Variants in GRID2 observed in about 807,000 individuals in gnomAD.
GRID2 encodes the protein glutamate ionotropic receptor delta type subunit 2, also known as glutamate receptor ionotropic, delta-2.
In GRID2, 33 loss-of-function variants were observed where a neutral mutation model predicts 114.8. The observed-to-expected ratio is 0.29, with a 90% CI of 0.22 to 0.38. The LOEUF is 0.38. Among genes scored for constraint, GRID2 ranks in the 10% least tolerant of loss-of-function variants. The pLI is 1.00. For missense variants in GRID2, 1,184 were observed against 1,257.7 expected (o/e 0.94, Z 0.89); for synonymous variants, 505 against 449.9 (o/e 1.12, Z -1.55).
chr4:92,772,337 C>T (rs1027471999), intron 2 of GRID2, among the ~76,000 whole-genome samples: 8 of 152,136 alleles, frequency 5.3e-5, no homozygotes, highest in African/African-American at 7.2e-5. Context: ...TGTTCTTTTT[C>T]ATTTACATAC....
intron 2 of GRID2, among the ~76,000 whole-genome samples, chr4:92,733,938 A>G (rs1736457650): frequency 6.6e-6 from 1 of 152,046 alleles, no homozygotes; most frequent in Non-Finnish European, 1.5e-5. Flanking sequence ...AGGGGGATCA[A>G]AATTTCTCCA....
chr4:92,552,043 A>C (rs144326744), intron 1 of GRID2, among the ~76,000 whole-genome samples: 105 of 152,228 alleles, frequency 6.9e-4, no homozygotes, highest in African/African-American at 2.4e-3. Context: ...AGTTTTGATC[A>C]GGTTGATTTT....
At chr4:92,767,253 C>G (rs953261172) in intron 2 of GRID2, among the ~76,000 whole-genome samples, 1 of 152,124 alleles carries the variant, frequency 6.6e-6, no homozygotes, top group African/African-American at 2.4e-5. Flanking sequence ...ATCTGGGTCC[C>G]TGATGATTGC....
At chr4:93,691,524 C>G (rs1726563385) in intron 14 of GRID2, among the ~76,000 whole-genome samples, 1 of 151,988 alleles carries the variant, frequency 6.6e-6, no homozygotes, top group African/African-American at 2.4e-5. Context: ...TGTTTATTAG[C>G]TTTGTGACCT....
chr4:93,244,271 T>G (rs887845202), intron 8 of GRID2, among the ~76,000 whole-genome samples: 2 of 151,872 alleles, frequency 1.3e-5, no homozygotes, highest in Non-Finnish European at 2.9e-5. Context: ...CAATCTTAAT[T>G]GCATAGTAAT....
intron 11 of GRID2, among the ~76,000 whole-genome samples, 172 bp downstream of exon 11, chr4:93,456,146 A>G (rs868738727): frequency 8.5e-5 from 13 of 152,200 alleles, no homozygotes; most frequent in South Asian, 4.1e-4. Context: ...GATCTCAGAC[A>G]CACCAAGTTT....
At chr4:92,462,795 A>G (rs1721560522) in intron 1 of GRID2, among the ~76,000 whole-genome samples, 1 of 151,982 alleles carries the variant, frequency 6.6e-6, no homozygotes, top group African/African-American at 2.4e-5. Context: ...CAAGAAAACC[A>G]ATGAGACTTG....
At chr4:92,635,124 C>G (rs138254087) in intron 2 of GRID2, among the ~76,000 whole-genome samples, 2 of 151,912 alleles carry the variant, frequency 1.3e-5, no homozygotes, top group African/African-American at 2.4e-5. Context: ...GCTTGGTATC[C>G]GAGCCAAAGT....
intron 2 of GRID2, among the ~76,000 whole-genome samples, chr4:92,641,433 C>T (rs1031587321): frequency 7.0e-6 from 1 of 143,808 alleles, no homozygotes; most frequent in Admixed American, 7.2e-5. Flanking sequence ...TGCCACCGAG[C>T]CTGGCCAATA....
intron 13 of GRID2, among the ~76,000 whole-genome samples, chr4:93,602,220 T>A (rs1739750146): frequency 6.6e-6 from 1 of 152,226 alleles, no homozygotes; most frequent in African/African-American, 2.4e-5. Flanking sequence ...TATTAAGCAA[T>A]AATCAAATGC....
intron 2 of GRID2, among the ~76,000 whole-genome samples, chr4:92,671,398 C>A (rs569521156): frequency 1.3e-5 from 2 of 152,076 alleles, no homozygotes; most frequent in East Asian, 1.9e-4. Context: ...TAGCCAATAC[C>A]CACTCTAGAT....
At chr4:93,466,806 T>C (rs1288890621) in intron 11 of GRID2, among the ~76,000 whole-genome samples, 3 of 152,194 alleles carry the variant, frequency 2.0e-5, no homozygotes, top group Non-Finnish European at 4.4e-5. Flanking sequence ...TTTTAAAACA[T>C]GTTAATAACT....
chr4:93,568,707 A>G (rs753108619), intron 13 of GRID2, among the ~76,000 whole-genome samples: 1 of 152,206 alleles, frequency 6.6e-6, no homozygotes, highest in South Asian at 2.1e-4. Flanking sequence ...GCAACAAACC[A>G]TCAGGGAGTG....
chr4:93,592,054 C>T (rs1437956285), intron 13 of GRID2, among the ~76,000 whole-genome samples: 1 of 152,124 alleles, frequency 6.6e-6, no homozygotes, highest in Non-Finnish European at 1.5e-5. Context: ...GTCTCTATTT[C>T]CTTCAGTTCT....
intron 2 of GRID2, among the ~76,000 whole-genome samples, chr4:92,998,225 T>C (rs1040453466): frequency 1.3e-5 from 2 of 152,104 alleles, no homozygotes; most frequent in Non-Finnish European, 2.9e-5. Context: ...ATACATTACA[T>C]TGAAATCATT....
intron 8 of GRID2, among the ~76,000 whole-genome samples, chr4:93,388,344 T>C (rs1460960240): frequency 1.3e-5 from 2 of 152,200 alleles, no homozygotes; most frequent in African/African-American, 4.8e-5. Context: ...CTTTACACAA[T>C]ACTGATGCCT....
intron 14 of GRID2, among the ~76,000 whole-genome samples, chr4:93,714,228 T>C (rs986028027): frequency 6.6e-6 from 1 of 152,154 alleles, no homozygotes; most frequent in East Asian, 1.9e-4. Flanking sequence ...CTGAGGATAA[T>C]GTCCCCCAGG....
chr4:92,671,557 A>G (rs1733072600), intron 2 of GRID2, among the ~76,000 whole-genome samples: 1 of 152,052 alleles, frequency 6.6e-6, no homozygotes, highest in Admixed American at 6.6e-5. Context: ...CAAGTTCCAA[A>G]CAGACAGTTT....
chr4:92,874,455 T>C (rs1340899782), intron 2 of GRID2, among the ~76,000 whole-genome samples: 3 of 152,222 alleles, frequency 2.0e-5, no homozygotes, highest in Non-Finnish European at 4.4e-5. Context: ...ATAAATGTCA[T>C]ACCTCCATCT....
Sources: allele counts gnomAD v4.1 joint callset (sites outside exome capture counted in the v4.1 genomes callset), GRCh38; gene constraint gnomAD v4.1.1; transcripts MANE v1.5; gene names NCBI Gene and HGNC (gene_info 2026-07-23, HGNC 2026-07-21).